The following AK8 variants were observed in gnomAD, a reference collection of about 807,000 sequenced individuals.
AK8 encodes adenylate kinase 8, also known as ATP-AMP transphosphorylase 8.
A neutral mutation model predicts 54.6 loss-of-function variants in AK8; 44 were observed. The ratio of observed to expected loss-of-function variants is 0.81; its 90% CI spans 0.63 to 1.04. AK8 has a LOEUF of 1.04. AK8 is among the 50% of genes least tolerant of loss of function. The pLI, the probability that AK8 is intolerant of heterozygous loss-of-function variation, is 0.00. For missense variants in AK8, 555 were observed against 613.6 expected, an observed-to-expected ratio of 0.90 and a Z score of 1.01; for synonymous variants, 239 against 245.6, an observed-to-expected ratio of 0.97 and a Z score of 0.25.
chr9:132,848,447 T>G (rs1360878429), intron 5 of AK8, among the ~76,000 whole-genome samples: 2 of 152,188 alleles, frequency 1.3e-5, no homozygotes, highest in Non-Finnish European at 2.9e-5. Flanking sequence ...TTTGACACTC[T>G]GAGTTAAGAG....
At chr9:132,876,272 A>G (rs1378997890) in intron 1 of AK8, among the ~76,000 whole-genome samples, 1 of 152,258 alleles carries the variant, frequency 6.6e-6, no homozygotes, top group Non-Finnish European at 1.5e-5. Flanking sequence ...TGATGGAATG[A>G]GATGATTTTA....
chr9:132,796,599 A>G (rs1380004320), intron 10 of AK8, among the ~76,000 whole-genome samples: 1 of 152,150 alleles, frequency 6.6e-6, no homozygotes, highest in East Asian at 1.9e-4. Context: ...ATATTAGACA[A>G]CCTTTTAAAA....
At chr9:132,871,017 G>A (rs1476224442) in intron 2 of AK8, among the ~76,000 whole-genome samples, 2 of 152,164 alleles carry the variant, frequency 1.3e-5, no homozygotes, top group African/African-American at 2.4e-5. Flanking sequence ...AGGCCGAGGC[G>A]GGTGGATCAT....
rs148764112 is a variant in AK8, at chr9:132,725,738, C to A, written c.1390G>T (p.Glu464Ter). The change falls in exon 13 of 13, where the codon GAA becomes TAA. Residue 464 changes from glutamate (E) to a stop codon, truncating the protein, a stop_gained. Transcript: ENST00000298545. LOFTEE classifies it high-confidence loss of function. ...TTAATGATCCCACTCTCGATGTATT[C>A]GAAGACTGTGTATGGGTCCTGGTCC... ...NGDQDPYTVFEYIESGIINPL... is the reference protein window; with the variant it reads ...NGDQDPYTVF 1.3e-6 allele frequency: 2 copies of A among 1,590,438 alleles called. No individual in the cohort carries two copies. The highest frequency in any genetic ancestry group is 3.6e-5 in the Admixed American group (2 of 55,282).
rs767307545 is a variant in AK8 at position 132,875,194 on chromosome 9, C to A, written c.90G>T (p.Met30Ile). Residue 30 changes from methionine to isoleucine, a missense_variant, in exon 2 of 13, where the codon ATG becomes ATT. By Grantham distance (10) the Met-to-Ile change is conservative (BLOSUM62 1). Coordinates refer to ENST00000298545, the MANE Select transcript of AK8 (RefSeq NM_152572.3). ...ENHIFELMQN[M>I]LEQLLIHQPE... ...GCTGGTGGATCAGGAGTTGCTCCAG[C>A]ATGTTCTGTGGGTGCAGGGCAGACA... is the stretch of plus-strand genomic sequence containing the variant. 3 of 1,614,010 alleles carry A rather than the reference C, an allele frequency of 1.9e-6. No individual in the cohort carries two copies. Among genetic ancestry groups the A allele is most frequent in the Non-Finnish European group, 2.5e-6 (3 of 1,180,028 alleles).
intron 11 of AK8, among the ~76,000 whole-genome samples, chr9:132,728,039 C>G (rs1270415024): frequency 1.3e-5 from 2 of 152,194 alleles, no homozygotes; most frequent in Non-Finnish European, 2.9e-5. Context: ...TGTATCATCA[C>G]CTGGTTACCT....
chr9:132,739,087 A>G (rs1194448575), intron 11 of AK8, among the ~76,000 whole-genome samples: 1 of 151,794 alleles, frequency 6.6e-6, no homozygotes, highest in Non-Finnish European at 1.5e-5. Context: ...ATCAGGTTAT[A>G]TATCAGGTAA....
At chr9:132,856,514 C>T (rs187555967) in intron 4 of AK8, among the ~76,000 whole-genome samples, 10 of 152,298 alleles carry the variant, frequency 6.6e-5, no homozygotes, top group Non-Finnish European at 1.3e-4. Flanking sequence ...ACCCTCCTGC[C>T]CTTCTGCCTG....
intron 10 of AK8, among the ~76,000 whole-genome samples, chr9:132,797,199 C>A (rs1220505539): frequency 2.0e-5 from 3 of 151,882 alleles, no homozygotes; most frequent in Admixed American, 2.0e-4. Context: ...CCAATGCCCA[C>A]CCCATGAAAG....
At chr9:132,854,400 C>G (rs1003769295) in intron 5 of AK8, among the ~76,000 whole-genome samples, 1 of 152,104 alleles carries the variant, frequency 6.6e-6, no homozygotes, top group African/African-American at 2.4e-5. Context: ...CCTCCTTGTG[C>G]CCCAGGAGGC....
chr9:132,749,195 G>A (rs1365104422), intron 11 of AK8, among the ~76,000 whole-genome samples: 2 of 151,860 alleles, frequency 1.3e-5, no homozygotes, highest in East Asian at 1.9e-4. Context: ...TGTTTTTCAC[G>A]AACTAAGCAT....
upstream of AK8, chr9:132,878,677 G>A (rs1844273524): frequency 1.0e-6 from 1 of 994,764 alleles, no homozygotes; most frequent in Non-Finnish European, 1.2e-6. The surrounding 1 kb of genome is among the most constrained non-coding windows in gnomAD (Gnocchi z 4.7). Context: ...GGGAATAAAT[G>A]TGGGGGAGGG....
chr9:132,738,211 G>A (rs778918862), intron 11 of AK8, among the ~76,000 whole-genome samples: 9 of 152,028 alleles, frequency 5.9e-5, no homozygotes, highest in Middle Eastern at 3.4e-3. Flanking sequence ...GTGCCACCAC[G>A]CCCGGCTAAT....
chr9:132,834,501 G>C (rs1225197552), intron 5 of AK8, among the ~76,000 whole-genome samples: 1 of 152,116 alleles, frequency 6.6e-6, no homozygotes, highest in African/African-American at 2.4e-5. Context: ...AGCACTGAAC[G>C]TGGAATGCAC....
chr9:132,817,910 C>T (rs942881430), intron 9 of AK8, among the ~76,000 whole-genome samples: 1 of 152,120 alleles, frequency 6.6e-6, no homozygotes, highest in East Asian at 1.9e-4. Context: ...AGTCACACTT[C>T]GATACATCGT....
At position 132,872,511 on chromosome 9, in the gene AK8, G is replaced by A. The variant is rs551764315; in HGVS notation, c.169+2604C>T. Among the ~76,000 whole-genome samples the A allele has an allele frequency of 2.0e-5, 3 of 152,294 alleles. No individual in the cohort carries two copies. The South Asian group carries it at 6.2e-4, about 32-fold the overall frequency. ...CTTACTATGTTGCCCAAGCTGGAATGCAGTGGGTATTCAAGATGAAGTCGT... is the reference window on the plus strand; with the variant it reads ...CTTACTATGTTGCCCAAGCTGGAATACAGTGGGTATTCAAGATGAAGTCGT... On this transcript the variant is annotated intron_variant, in intron 2 of 12. Transcript: ENST00000298545.
chr9:132,734,172 G>A (rs933681948), intron 11 of AK8, among the ~76,000 whole-genome samples: 2 of 152,196 alleles, frequency 1.3e-5, no homozygotes, highest in Non-Finnish European at 2.9e-5. Flanking sequence ...TATCTGGAAG[G>A]CTTGCGTAAA....
chr9:132,800,822 T>C (rs1235242115), intron 10 of AK8, among the ~76,000 whole-genome samples: 1 of 151,802 alleles, frequency 6.6e-6, no homozygotes, highest in African/African-American at 2.4e-5. Flanking sequence ...CCATGTCTAC[T>C]CAGGCAAAAG....
chr9:132,751,536 C>T (rs1341234628), intron 11 of AK8, among the ~76,000 whole-genome samples: 7 of 146,170 alleles, frequency 4.8e-5, no homozygotes, highest in African/African-American at 1.8e-4. Context: ...CAGAGTGAGA[C>T]TCCAAAAAAA....
Sources: allele counts gnomAD v4.1 joint callset (sites outside exome capture counted in the v4.1 genomes callset), GRCh38; gene constraint gnomAD v4.1.1; non-coding constraint Gnocchi (gnomAD v3.1); transcripts MANE v1.5; gene names NCBI Gene and HGNC (gene_info 2026-07-23, HGNC 2026-07-21).